The following HNF1B variants were observed in gnomAD, a reference collection of about 807,000 sequenced individuals.
The protein encoded by HNF1B is HNF1 homeobox B.
Under a neutral mutation model 61.7 loss-of-function variants are expected in HNF1B, and 8 were observed. The ratio of observed to expected loss-of-function variants is 0.13; its 90% CI spans 0.08 to 0.23. HNF1B has a LOEUF of 0.23. Ranked by LOEUF, HNF1B falls within the 10% of genes least tolerant of loss-of-function variation. The pLI is 1.00. For synonymous variants in HNF1B, 314 were observed against 287.7 expected, an observed-to-expected ratio of 1.09 and a Z score of -0.93; for missense variants, 562 against 714.5, an observed-to-expected ratio of 0.79 and a Z score of 2.43.
Position 37,686,991 on chromosome 17 carries a change from C to G in HNF1B, c.*381G>C, listed in dbSNP as rs1467372787. On this transcript the variant is annotated 3_prime_UTR_variant, in exon 9 of 9. Coordinates refer to ENST00000617811, the MANE Select transcript of HNF1B (RefSeq NM_000458.4). Reference sequence around the variant, plus strand: ...CAGTGTGTTTGGCTCAGTTCAATAGCACATGTCCTTCTCTCCTCATTTCAG... The same window carrying G: ...CAGTGTGTTTGGCTCAGTTCAATAGGACATGTCCTTCTCTCCTCATTTCAG... The G allele has an allele frequency of 2.1e-6, 1 of 469,702 alleles. No homozygotes were observed. Among genetic ancestry groups the G allele is most frequent in the African/African-American group, 2.0e-5 (1 of 50,954 alleles). 29.1% of individuals were successfully genotyped at this position (469,702 alleles called of 1,614,324 possible).
intron 1 of HNF1B, 101 bp from the exon 2 acceptor site, chr17:37,739,740 A>T (rs887741424): frequency 8.8e-7 from 1 of 1,135,804 alleles, no homozygotes; most frequent in Non-Finnish European, 1.3e-6. Flanking sequence ...AAAATTCTGA[A>T]TTTTCCCCCC....
intron 2 of HNF1B, among the ~76,000 whole-genome samples, chr17:37,736,974 C>G (rs2033850318): frequency 6.6e-6 from 1 of 152,180 alleles, no homozygotes; most frequent in African/African-American, 2.4e-5. Flanking sequence ...ATGTTCATTG[C>G]CCATGAAAAT....
chr17:37,695,967 T>G (rs2032369389), intron 8 of HNF1B, among the ~76,000 whole-genome samples: 1 of 152,086 alleles, frequency 6.6e-6, no homozygotes, highest in South Asian at 2.1e-4. Flanking sequence ...TTTCTCAATG[T>G]GAGAAGGACA....
At position 37,722,276 on chromosome 17, in the gene HNF1B, A is replaced by G. The variant is rs919164759; in HGVS notation, c.1045+9319T>C. 5.9e-5 allele frequency among the ~76,000 whole-genome samples: 9 copies of G among 152,324 alleles called. 1 individual carries two copies. The South Asian group carries it at 1.2e-3, about 21-fold the overall frequency. ...TTCTCTCAACACCCTGAAGTTTCTG[A>G]GTCAATTCAATAATACTGTAATGGC... On this transcript the variant is annotated intron_variant, in intron 4 of 8. Coordinates refer to ENST00000617811, the MANE Select transcript of HNF1B (RefSeq NM_000458.4).
chr17:37,721,723 T>C (rs1472107995), intron 4 of HNF1B, among the ~76,000 whole-genome samples: 6 of 128,210 alleles, frequency 4.7e-5, no homozygotes, highest in South Asian at 2.3e-4. Flanking sequence ...CTCTCTCTTT[T>C]TTTTTTTTTT....
In HNF1B at chr17:37,733,581, T is replaced by G; in HGVS notation, c.785A>C (p.Glu262Ala). ...RQKNPSKEER[E>A]ALVEECNRAE... Reference sequence around the variant, plus strand: ...CCTGTTGCATTCCTCCACTAAGGCCTCTCTCTCTTCCTTGCTGGGGTTCTT... The same window carrying G: ...CCTGTTGCATTCCTCCACTAAGGCCGCTCTCTCTTCCTTGCTGGGGTTCTT... Residue 262 changes from glutamate (E) to alanine (A), a missense_variant, in exon 3 of 9, where the codon GAG becomes GCG. By Grantham distance (107) the Glu-to-Ala change is moderately radical (BLOSUM62 -1). This residue lies in a region of HNF1B where 54 missense variants were observed against 122.1 expected (regional missense o/e 0.44). Coordinates refer to ENST00000617811, the MANE Select transcript of HNF1B (RefSeq NM_000458.4). 6.2e-7 allele frequency: 1 copy of G among 1,614,160 alleles called. No individual in the cohort carries two copies.
At chr17:37,693,446 T>C (rs1341173179) in intron 8 of HNF1B, among the ~76,000 whole-genome samples, 1 of 152,158 alleles carries the variant, frequency 6.6e-6, no homozygotes, top group African/African-American at 2.4e-5. Context: ...AAGCTGAAAG[T>C]AGCTCAGGTC....
At chr17:37,730,256 AGCCATGT>A (rs1336511158) in intron 4 of HNF1B, 1 of 152,806 alleles carries the variant, frequency 6.5e-6, no homozygotes, top group Non-Finnish European at 1.5e-5. Context: ...GCTCAGTGCC[AGCCATGT>A]GCCATTTGCC....
At chr17:37,742,432 C>CT (rs963955828) in intron 1 of HNF1B, among the ~76,000 whole-genome samples, 5 of 152,220 alleles carry the variant, frequency 3.3e-5, no homozygotes, top group African/African-American at 1.2e-4. Context: ...TGCTTTTCGT[C>CT]TTAAGGGAAC....
In HNF1B at chr17:37,744,839, G is replaced by A; in HGVS notation, c.46C>T (p.Leu16=). ...TCCTTGGTGACCCCGGAGCTCAGCA[G>A]GGCGCTCAGGAGTTCTTGCTGGAGC... ...TSLQQELLSA[L]LSSGVTKEVL... The change falls in exon 1 of 9, where the codon CTG becomes TTG. Residue 16 remains leucine, a synonymous_variant. Transcript: ENST00000617811. The A allele has an allele frequency of 1.2e-6, 2 of 1,613,350 alleles. No individual in the cohort carries two copies. The highest frequency in any genetic ancestry group is 2.2e-5 in the South Asian group (2 of 91,074).
chr17:37,714,945 C>A (rs1186148529), intron 4 of HNF1B, among the ~76,000 whole-genome samples: 3 of 152,134 alleles, frequency 2.0e-5, no homozygotes, highest in African/African-American at 7.2e-5. Context: ...ACACCTGAGA[C>A]TGGCAGAACT....
Position 37,700,545 on chromosome 17 carries a change from C to T in HNF1B, c.1534+438G>A, listed in dbSNP as rs1381526211. Among the ~76,000 whole-genome samples the T allele has an allele frequency of 3.3e-5, 5 of 152,142 alleles. No homozygotes were observed. The South Asian group carries it at 1.0e-3, about 32-fold the overall frequency. ...GAAGATTCTTCTCTTTTAGGGAAGG[C>T]AAACAGGATGCAAATTAGATGCCAA... On this transcript the variant is annotated intron_variant, in intron 7 of 8. Coordinates refer to ENST00000617811, the MANE Select transcript of HNF1B (RefSeq NM_000458.4).
At chr17:37,742,750 G>C (rs1410267400) in intron 1 of HNF1B, among the ~76,000 whole-genome samples, 2 of 151,392 alleles carry the variant, frequency 1.3e-5, no homozygotes, top group Non-Finnish European at 3.0e-5. Context: ...GCTCTCCGCC[G>C]GCCGGGCCTG....
At chr17:37,711,577 G>A (rs571326118) in intron 4 of HNF1B, among the ~76,000 whole-genome samples, 1 of 152,206 alleles carries the variant, frequency 6.6e-6, no homozygotes, top group East Asian at 1.9e-4. Context: ...AGAACGCCTG[G>A]GTCCAGTTTG....
rs2031971415 is a variant in HNF1B, at chr17:37,686,460, G to GA, written c.*911_*912insT. On this transcript the variant is annotated 3_prime_UTR_variant, in exon 9 of 9. Coordinates refer to ENST00000617811, the MANE Select transcript of HNF1B (RefSeq NM_000458.4). ...GATAAAATAAATTGTTTTAATGGAAGGCTTTCTGAGACTGCAACTTTTTCT... is the reference window on the plus strand; with the variant it reads ...GATAAAATAAATTGTTTTAATGGAAGAGCTTTCTGAGACTGCAACTTTTTCT... 1 of 152,168 alleles carries GA rather than the reference G, an allele frequency of 6.6e-6. No homozygotes were observed. The highest frequency in any genetic ancestry group is 2.1e-4 in the South Asian group (1 of 4,832). 9.4% of individuals were successfully genotyped at this position (152,168 alleles called of 1,614,324 possible). A position where few individuals can be genotyped will look rare whatever the true frequency, so the allele number is the denominator to read the frequency against.
intron 8 of HNF1B, 64 bp downstream of exon 8, chr17:37,699,012 G>T: frequency 8.7e-7 from 1 of 1,155,562 alleles, no homozygotes; most frequent in Non-Finnish European, 1.3e-6. Flanking sequence ...CACAACCTCT[G>T]CACATCCATG....
chr17:37,731,012 T>TGGTCG, intron 4 of HNF1B: 1 of 172,424 alleles, frequency 5.8e-6, no homozygotes, highest in Admixed American at 5.5e-5. Context: ...AGGTACTCGG[T>TGGTCG]CAGTTTTTCC....
intron 4 of HNF1B, among the ~76,000 whole-genome samples, chr17:37,719,195 G>A (rs1215945220): frequency 6.6e-6 from 1 of 152,036 alleles, no homozygotes; most frequent in African/African-American, 2.4e-5. Context: ...AAACTCCTGG[G>A]CTCAAGTAGT....
intron 4 of HNF1B, among the ~76,000 whole-genome samples, chr17:37,721,299 T>C (rs1484563726): frequency 6.6e-6 from 1 of 152,168 alleles, no homozygotes; most frequent in Non-Finnish European, 1.5e-5. Flanking sequence ...CAGCACACAG[T>C]TCCTGAAACG....
Sources: allele counts gnomAD v4.1 joint callset (sites outside exome capture counted in the v4.1 genomes callset), GRCh38; gene constraint gnomAD v4.1.1; regional missense constraint gnomAD v4.1.1; transcripts MANE v1.5; gene names NCBI Gene and HGNC (gene_info 2026-07-23, HGNC 2026-07-21).